The following GPRIN3 variants were observed in gnomAD, a reference collection of about 807,000 sequenced individuals.
The protein encoded by GPRIN3 is GPRIN family member 3.
Under a neutral mutation model 13.7 loss-of-function variants are expected in GPRIN3, and 12 were observed. The ratio of observed to expected loss-of-function variants is 0.87; its 90% CI spans 0.56 to 1.42. The LOEUF is 1.42. Ranked by LOEUF, GPRIN3 falls within the 40% of genes most tolerant of loss-of-function variation. The pLI is 0.00. For missense variants in GPRIN3, 1,009 were observed against 958.7 expected (o/e 1.05, Z -0.69); for synonymous variants, 377 against 372.7 (o/e 1.01, Z -0.13).
intron 1 of GPRIN3, among the ~76,000 whole-genome samples, chr4:89,257,951 C>T (rs1485017724): frequency 2.6e-5 from 4 of 151,944 alleles, no homozygotes; most frequent in Non-Finnish European, 4.4e-5. Context: ...ACCATGAACC[C>T]TCTAGAATCA....
intron 1 of GPRIN3, among the ~76,000 whole-genome samples, chr4:89,298,689 C>T (rs942420096): frequency 6.6e-6 from 1 of 151,226 alleles, no homozygotes; most frequent in East Asian, 1.9e-4. Context: ...ATATATATAT[C>T]TCAAGTGCTC....
At chr4:89,288,067 T>C (rs1724471662) in intron 1 of GPRIN3, among the ~76,000 whole-genome samples, 1 of 152,180 alleles carries the variant, frequency 6.6e-6, no homozygotes, top group African/African-American at 2.4e-5. Context: ...CTAATTTCGG[T>C]GCCTCGAGGG....
intron 1 of GPRIN3, among the ~76,000 whole-genome samples, chr4:89,261,880 G>T (rs1042139852): frequency 2.0e-5 from 3 of 151,974 alleles, no homozygotes; most frequent in Non-Finnish European, 4.4e-5. Flanking sequence ...GGAGGCTGTA[G>T]GGGGGTGGAT....
intron 1 of GPRIN3, among the ~76,000 whole-genome samples, chr4:89,303,830 T>G (rs986494932): frequency 6.6e-6 from 1 of 150,434 alleles, no homozygotes; most frequent in Admixed American, 6.7e-5. Context: ...TATGTATGTA[T>G]GTATCTTATA....
chr4:89,271,520 C>A (rs1578094415), intron 1 of GPRIN3, among the ~76,000 whole-genome samples: 1 of 152,186 alleles, frequency 6.6e-6, no homozygotes, highest in South Asian at 2.1e-4. Flanking sequence ...CTTATAATAC[C>A]AAATACAATG....
intron 1 of GPRIN3, among the ~76,000 whole-genome samples, chr4:89,286,877 G>C (rs1724432432): frequency 6.6e-6 from 1 of 152,178 alleles, no homozygotes; most frequent in Non-Finnish European, 1.5e-5. Context: ...TGTATTCCCA[G>C]GTACTTGGGA....
chr4:89,271,972 C>T (rs1723963582), intron 1 of GPRIN3, among the ~76,000 whole-genome samples: 2 of 152,084 alleles, frequency 1.3e-5, no homozygotes, highest in Admixed American at 6.5e-5. Context: ...GTAAAAGAGA[C>T]CCCGGAGTAC....
In GPRIN3 at chr4:89,250,126, G is replaced by A. The variant is rs764167713; in HGVS notation, c.-16C>T. On this transcript the variant is annotated 5_prime_UTR_variant, in exon 2 of 2. Transcript: ENST00000609438. ...CAGTCCCCATGGAATTTCTCTTCAG[G>A]AGCACTCCAGAGCTCTCTTGAGTAC... 6.3e-5 allele frequency: 101 copies of A among 1,599,104 alleles called. No homozygotes were observed. Among genetic ancestry groups the A allele is most frequent in the Non-Finnish European group, 8.3e-5 (97 of 1,172,094 alleles).
intron 1 of GPRIN3, among the ~76,000 whole-genome samples, chr4:89,285,403 G>A (rs12645350): frequency 1.3e-5 from 2 of 152,134 alleles, no homozygotes; most frequent in East Asian, 3.9e-4. Flanking sequence ...ATTGATTTGA[G>A]TAATAACTTT....
At chr4:89,273,486 T>C (rs902097602) in intron 1 of GPRIN3, among the ~76,000 whole-genome samples, 4 of 151,994 alleles carry the variant, frequency 2.6e-5, no homozygotes, top group African/African-American at 9.7e-5. Context: ...TCAAGACCAG[T>C]TCAAGACCTG....
chr4:89,272,166 G>A (rs560484007), intron 1 of GPRIN3, among the ~76,000 whole-genome samples: 1 of 152,266 alleles, frequency 6.6e-6, no homozygotes, highest in South Asian at 2.1e-4. Context: ...AGCCTGAAAG[G>A]ACTAAGACAG....
In GPRIN3 at chr4:89,238,169, T is replaced by A. The variant is rs944065969; in HGVS notation, c.*9611A>T. On this transcript the variant is annotated 3_prime_UTR_variant, in exon 2 of 2. Coordinates refer to ENST00000609438, the MANE Select transcript of GPRIN3 (RefSeq NM_198281.3). ...GGGAGAGTATGGCTCTTGGAAATTT[T>A]GAAGCAATCACTGTTTAAAGTTCAT... 2.6e-5 allele frequency: 4 copies of A among 152,090 alleles called. No homozygotes were observed. The highest frequency in any genetic ancestry group is 9.7e-5 in the African/African-American group (4 of 41,408). 9.4% of individuals were successfully genotyped at this position (152,090 alleles called of 1,614,324 possible).
chr4:89,270,579 A>ATATTTATATATGTATATAATT lies in GPRIN3; in HGVS notation c.-123-20347_-123-20346insAATTATATACATATATAAATA, dbSNP rs1382440810. Among the ~76,000 whole-genome samples the ATATTTATATATGTATATAATT allele has an allele frequency of 8.0e-4, 81 of 101,052 alleles. 1 individual carries two copies. The highest frequency in any genetic ancestry group is 4.4e-3 in the African/African-American group (79 of 17,876). 66.3% of individuals were successfully genotyped at this position (101,052 alleles called of 152,430 possible). On this transcript the variant is annotated intron_variant, in intron 1 of 1. Transcript: ENST00000609438. The stretch of plus-strand genomic sequence containing the variant: ...ATGTATATAATTTATATATATATAT[A>ATATTTATATATGTATATAATT]TATATATATATATATATATATAAAA...
At chr4:89,282,387 C>T (rs551649053) in intron 1 of GPRIN3, among the ~76,000 whole-genome samples, 1 of 152,126 alleles carries the variant, frequency 6.6e-6, no homozygotes, top group Non-Finnish European at 1.5e-5. Context: ...GCCTTGTTAC[C>T]TTGACCCTCA....
At chr4:89,305,489 T>A (rs1172231254) in intron 1 of GPRIN3, among the ~76,000 whole-genome samples, 1 of 152,166 alleles carries the variant, frequency 6.6e-6, no homozygotes, top group Non-Finnish European at 1.5e-5. Flanking sequence ...CATATATTCA[T>A]GAAAAAGTGA....
At chr4:89,251,408 G>A (rs781387541) in intron 1 of GPRIN3, among the ~76,000 whole-genome samples, 1 of 152,156 alleles carries the variant, frequency 6.6e-6, no homozygotes, top group Non-Finnish European at 1.5e-5. Flanking sequence ...TATGGAGGCA[G>A]TTTAATTTTT....
chr4:89,282,765 A>G (rs1397215318), intron 1 of GPRIN3, among the ~76,000 whole-genome samples: 1 of 152,152 alleles, frequency 6.6e-6, no homozygotes, highest in Non-Finnish European at 1.5e-5. Context: ...TACCCACTAA[A>G]AACTACCTCT....
At chr4:89,277,189 A>G (rs1172657774) in intron 1 of GPRIN3, among the ~76,000 whole-genome samples, 1 of 152,104 alleles carries the variant, frequency 6.6e-6, no homozygotes, top group Non-Finnish European at 1.5e-5. Flanking sequence ...TGGCTTCTCA[A>G]AATAGTTTAG....
rs1225761867 is a variant in GPRIN3 at position 89,239,664 on chromosome 4, A to T, written c.*8116T>A. 1 of 152,072 alleles carries T rather than the reference A, an allele frequency of 6.6e-6. No homozygotes were observed. Among genetic ancestry groups the T allele is most frequent in the East Asian group, 1.9e-4 (1 of 5,174 alleles). The allele number at this position is 152,072 out of a possible 1,614,324, so 9.4% of individuals were successfully genotyped here. ...AGGGGTGATTCTGGTATTTCCATTT[A>T]TATTTTCTTTTTTTTGAGACAGAGC... On this transcript the variant is annotated 3_prime_UTR_variant, in exon 2 of 2. Coordinates refer to ENST00000609438, the MANE Select transcript of GPRIN3 (RefSeq NM_198281.3).
Sources: allele counts gnomAD v4.1 joint callset (sites outside exome capture counted in the v4.1 genomes callset), GRCh38; gene constraint gnomAD v4.1.1; transcripts MANE v1.5; gene names NCBI Gene and HGNC (gene_info 2026-07-23, HGNC 2026-07-21).